The following LMBR1 variants were observed in gnomAD, a reference collection of about 807,000 sequenced individuals.
The protein encoded by LMBR1 is limb region 1 protein homolog.
In LMBR1, 52 loss-of-function variants were observed where a neutral mutation model predicts 73.9. The ratio of observed to expected loss-of-function variants is 0.70; its 90% CI spans 0.56 to 0.89. LMBR1 has a LOEUF of 0.89. LMBR1 is among the 40% of genes least tolerant of loss of function. The probability of loss-of-function intolerance (pLI) is 0.00; values close to 1 mark genes in which losing one functional copy is unlikely to be tolerated. For synonymous variants in LMBR1, 215 were observed against 209.4 expected, an observed-to-expected ratio of 1.03 and a Z score of -0.23; for missense variants, 539 against 579.8, an observed-to-expected ratio of 0.93 and a Z score of 0.72.
At chr7:156,855,500 T>C (rs1020965628) in intron 1 of LMBR1, among the ~76,000 whole-genome samples, 5 of 151,624 alleles carry the variant, frequency 3.3e-5, no homozygotes, top group Non-Finnish European at 5.9e-5. Flanking sequence ...AGCCAAGAAG[T>C]ACAGAACAAT....
At chr7:156,826,446 A>G (rs937955465) in intron 4 of LMBR1, among the ~76,000 whole-genome samples, 159 bp downstream of exon 4, 6 of 152,232 alleles carry the variant, frequency 3.9e-5, no homozygotes, top group African/African-American at 1.2e-4. Flanking sequence ...CATAGAAATG[A>G]TAAGTAAAAT....
intron 1 of LMBR1, chr7:156,892,667 G>C: frequency 6.2e-6 from 2 of 321,862 alleles, no homozygotes; most frequent in South Asian, 7.6e-5. Context: ...AACGGAGGGA[G>C]CGCGAGGGGG....
At chr7:156,803,680 A>G (rs1027842488) in intron 4 of LMBR1, among the ~76,000 whole-genome samples, 26 of 152,154 alleles carry the variant, frequency 1.7e-4, no homozygotes, top group Non-Finnish European at 3.4e-4. Context: ...GCTGCTATAA[A>G]GACACATGCA....
intron 3 of LMBR1, chr7:156,833,511 C>G (rs1332068461): frequency 4.3e-6 from 2 of 462,840 alleles, no homozygotes; most frequent in Admixed American, 4.5e-5. Context: ...AAATTAAGGC[C>G]ATTTCCTCAT....
intron 11 of LMBR1, 88 bp downstream of exon 11, chr7:156,728,556 C>A (rs1248957260): frequency 9.1e-6 from 8 of 876,946 alleles, no homozygotes; most frequent in South Asian, 8.5e-5. Context: ...TTATGAAAAA[C>A]CATTTAGCTG....
intron 15 of LMBR1, among the ~76,000 whole-genome samples, chr7:156,716,151 G>A (rs1237995117): frequency 6.6e-6 from 1 of 152,152 alleles, no homozygotes; most frequent in Non-Finnish European, 1.5e-5. Flanking sequence ...AATACAGACA[G>A]GTACGTATAA....
In LMBR1 at chr7:156,724,192, C is replaced by T. The variant is rs377693437; in HGVS notation, c.1159-14G>A. 35 of 1,601,322 alleles carry T rather than the reference C, an allele frequency of 2.2e-5. No individual in the cohort carries two copies. The highest frequency in any genetic ancestry group is 6.7e-5 in the South Asian group (6 of 89,810). On this transcript the variant is annotated splice_polypyrimidine_tract_variant and intron_variant, in intron 14 of 16. Transcript: ENST00000353442. ...ATTTCCAATGATCTGTTATGAGAAA[C>T]GAGAAAGAATATTGGGCAGTTAAAC...
At chr7:156,700,267 T>C (rs1286095638) in intron 15 of LMBR1, among the ~76,000 whole-genome samples, 1 of 152,096 alleles carries the variant, frequency 6.6e-6, no homozygotes, top group African/African-American at 2.4e-5. Flanking sequence ...CTGGAAACCA[T>C]CATTCTCAGC....
In LMBR1 at chr7:156,695,235, C is replaced by T. The variant is rs116207083; in HGVS notation, c.1226-7044G>A. ...TAGGCAGGAGGATCACTTGACATCA[C>T]GAGGTTGTGGCCACAATGACTTAAA... On this transcript the variant is annotated intron_variant, in intron 15 of 16. Coordinates refer to ENST00000353442, the MANE Select transcript of LMBR1 (RefSeq NM_022458.4). Among the ~76,000 whole-genome samples, 1,112 of 152,258 alleles carry T rather than the reference C, an allele frequency of 7.3e-3. 15 individuals carry two copies. The highest frequency in any genetic ancestry group is 0.025 in the African/African-American group (1,050 of 41,562).
intron 1 of LMBR1, chr7:156,892,528 G>C (rs980907535): frequency 1.6e-4 from 26 of 159,690 alleles, no homozygotes; most frequent in African/African-American, 6.0e-4. Flanking sequence ...CACACCCCGA[G>C]GCGCGAGCCG....
At chr7:156,786,094 G>A (rs1041599208) in intron 5 of LMBR1, among the ~76,000 whole-genome samples, 1 of 151,770 alleles carries the variant, frequency 6.6e-6, no homozygotes, top group South Asian at 2.1e-4. Flanking sequence ...GGTATAGATG[G>A]GAGGCAGGGA....
rs549655438 is a variant in LMBR1 at position 156,736,059 on chromosome 7, G to T, written c.758-1802C>A. On this transcript the variant is annotated intron_variant, in intron 9 of 16. Transcript: ENST00000353442. ...ATATTGTAATAGCTGGGATGACTCA[G>T]TCCCGAGTACTCCCAGTCTGTATGT... Among the ~76,000 whole-genome samples, 3 of 152,320 alleles carry T rather than the reference G, an allele frequency of 2.0e-5. No homozygotes were observed. In the East Asian group the frequency reaches 5.8e-4, roughly 29 times the overall value.
At chr7:156,776,781 C>G (rs992889982) in intron 5 of LMBR1, among the ~76,000 whole-genome samples, 15 of 152,108 alleles carry the variant, frequency 9.9e-5, no homozygotes, top group African/African-American at 3.4e-4. Context: ...AATCCCCTGG[C>G]GCCTACTCCT....
At chr7:156,892,114 G>C (rs1045452703) in intron 1 of LMBR1, among the ~76,000 whole-genome samples, 2 of 152,238 alleles carry the variant, frequency 1.3e-5, no homozygotes, top group Non-Finnish European at 2.9e-5. Context: ...CCAAGGTCAA[G>C]TCCGCTTCCT....
intron 5 of LMBR1, among the ~76,000 whole-genome samples, chr7:156,794,734 T>C (rs1048998281): frequency 6.6e-6 from 1 of 152,178 alleles, no homozygotes; most frequent in African/African-American, 2.4e-5. Context: ...AGAGGTAGTG[T>C]CAGGAAGAGG....
chr7:156,855,192 G>A (rs969643415), intron 1 of LMBR1, among the ~76,000 whole-genome samples: 12 of 152,136 alleles, frequency 7.9e-5, no homozygotes, highest in Non-Finnish European at 1.3e-4. Flanking sequence ...TGTGTGTAAT[G>A]TCAGCAAAGA....
intron 4 of LMBR1, among the ~76,000 whole-genome samples, chr7:156,803,203 A>T (rs1831328028): frequency 1.3e-5 from 2 of 152,188 alleles, no homozygotes; most frequent in African/African-American, 4.8e-5. Context: ...CCACCATCAG[A>T]GTGAACAGGC....
chr7:156,841,035 G>GC (rs1838618123), intron 1 of LMBR1, among the ~76,000 whole-genome samples: 1 of 151,468 alleles, frequency 6.6e-6, no homozygotes, highest in Admixed American at 6.6e-5. Flanking sequence ...AGGAGAGCAG[G>GC]CAACAAAGAA....
intron 9 of LMBR1, among the ~76,000 whole-genome samples, chr7:156,738,360 A>T (rs1298779087): frequency 6.6e-6 from 1 of 152,202 alleles, no homozygotes; most frequent in African/African-American, 2.4e-5. Flanking sequence ...CCTCACCACA[A>T]CGGGCTACAG....
Sources: allele counts gnomAD v4.1 joint callset (sites outside exome capture counted in the v4.1 genomes callset), GRCh38; gene constraint gnomAD v4.1.1; transcripts MANE v1.5; gene names NCBI Gene and HGNC (gene_info 2026-07-23, HGNC 2026-07-21).